The following MDFIC variants were observed in gnomAD, a reference collection of about 807,000 sequenced individuals.
MDFIC encodes myoD family inhibitor domain-containing protein.
A neutral mutation model predicts 23.2 loss-of-function variants in MDFIC; 17 were observed. The observed-to-expected ratio is 0.73, with a 90% CI of 0.50 to 1.10. The LOEUF is 1.10. Among genes scored for constraint, MDFIC ranks in the 50% least tolerant of loss-of-function variants. The pLI, the probability that MDFIC is intolerant of heterozygous loss-of-function variation, is 0.00. For missense variants in MDFIC, 356 were observed against 316.6 expected, an observed-to-expected ratio of 1.12 and a Z score of -0.95; for synonymous variants, 120 against 115.2, an observed-to-expected ratio of 1.04 and a Z score of -0.27.
At chr7:114,925,885 T>A (rs1324112430) in intron 2 of MDFIC, among the ~76,000 whole-genome samples, 2 of 152,196 alleles carry the variant, frequency 1.3e-5, no homozygotes, top group Non-Finnish European at 2.9e-5. Context: ...TTGTGATCTC[T>A]CATACAGAAA....
Position 115,018,432 on chromosome 7 carries a change from A to G in MDFIC, c.*2497A>G, listed in dbSNP as rs13237006. ...TCTCCATAACAGAGAATGTTAATGG[A>G]TACCAGAATTTTATTTTTGTATTTA... On this transcript the variant is annotated 3_prime_UTR_variant, in exon 5 of 5. Coordinates refer to ENST00000393486, the MANE Select transcript of MDFIC (RefSeq NM_001166345.3). 0.19 allele frequency: 28,339 copies of G among 152,030 alleles called. 2,856 individuals are homozygous for G. Among genetic ancestry groups the G allele is most frequent in the East Asian group, 0.33 (1,682 of 5,170 alleles). 9.4% of individuals were successfully genotyped at this position (152,030 alleles called of 1,614,324 possible).
chr7:114,965,258 A>G (rs1793074306), intron 3 of MDFIC, among the ~76,000 whole-genome samples: 1 of 152,220 alleles, frequency 6.6e-6, no homozygotes, highest in South Asian at 2.1e-4. Flanking sequence ...GGAAAATAAG[A>G]GAAAACAATG....
intron 3 of MDFIC, among the ~76,000 whole-genome samples, chr7:114,960,359 G>T (rs1336541929): frequency 2.6e-5 from 4 of 152,238 alleles, no homozygotes; most frequent in Middle Eastern, 3.4e-3. Flanking sequence ...GGCTGATCCA[G>T]AGATGCTAAG....
intron 3 of MDFIC, among the ~76,000 whole-genome samples, chr7:114,946,968 A>G (rs919258748): frequency 2.0e-5 from 3 of 152,214 alleles, no homozygotes; most frequent in Admixed American, 6.5e-5. Flanking sequence ...AGAAAAGCAG[A>G]TACTCAGGTG....
Position 114,979,697 on chromosome 7 carries a change from T to G in MDFIC, c.409T>G (p.Ser137Ala), listed in dbSNP as rs769324791. ...VSQKMHRKIQ[S>A]SLSVNSDISK... ...TCAAAAAATGCATAGAAAAATTCAG[T>G]CCAGCTTGTCTGTAAACAGCGATAT... Residue 137 changes from serine to alanine, a missense_variant, in exon 4 of 5, where the codon TCC becomes GCC. By Grantham distance (99) the Ser-to-Ala change is moderately conservative. Coordinates refer to ENST00000393486, the MANE Select transcript of MDFIC (RefSeq NM_001166345.3). 2 of 1,614,108 alleles carry G rather than the reference T, an allele frequency of 1.2e-6. No individual in the cohort carries two copies. The highest frequency in any genetic ancestry group is 1.7e-6 in the Non-Finnish European group (2 of 1,179,982).
chr7:114,975,182 A>G (rs1022066108), intron 3 of MDFIC, among the ~76,000 whole-genome samples: 3 of 152,118 alleles, frequency 2.0e-5, no homozygotes, highest in Non-Finnish European at 4.4e-5. Context: ...CTTTCTTTAG[A>G]AAAGAGGTGT....
Position 115,019,873 on chromosome 7 carries a change from A to G in MDFIC, c.*3938A>G, listed in dbSNP as rs564222813. 2.0e-5 allele frequency among the ~76,000 whole-genome samples: 3 copies of G among 152,182 alleles called. No homozygotes were observed. The highest frequency in any genetic ancestry group is 3.9e-4 in the East Asian group (2 of 5,186). On this transcript the variant is annotated 3_prime_UTR_variant, in exon 5 of 5. Coordinates refer to ENST00000393486, the MANE Select transcript of MDFIC (RefSeq NM_001166345.3). ...TGGGTATTAAAAGAGAATCCTTTCA[A>G]CCCTTCATCTTCGTATGCTTATACA...
intron 4 of MDFIC, among the ~76,000 whole-genome samples, chr7:114,988,126 G>GT (rs1296572826): frequency 6.6e-6 from 1 of 152,092 alleles, no homozygotes; most frequent in Non-Finnish European, 1.5e-5. Flanking sequence ...CTTCACCGTT[G>GT]TTTTTTTGTG....
chr7:114,998,417 G>A (rs1171669245), intron 4 of MDFIC, among the ~76,000 whole-genome samples: 1 of 151,990 alleles, frequency 6.6e-6, no homozygotes, highest in Admixed American at 6.6e-5. Context: ...TTTGAAAAAT[G>A]AGTTGCATTG....
intron 4 of MDFIC, among the ~76,000 whole-genome samples, chr7:115,007,217 G>T (rs540868167): frequency 6.6e-5 from 10 of 152,298 alleles, no homozygotes; most frequent in African/African-American, 2.2e-4. Context: ...TAGGTAGGTG[G>T]AGAGGTGTGG....
intron 3 of MDFIC, among the ~76,000 whole-genome samples, chr7:114,962,340 G>A (rs2115869966): frequency 6.6e-6 from 1 of 152,296 alleles, no homozygotes; most frequent in South Asian, 2.1e-4. Context: ...GTAACCACTT[G>A]CAATTTGTAA....
At chr7:115,000,263 G>C (rs547795672) in intron 4 of MDFIC, among the ~76,000 whole-genome samples, 1 of 152,258 alleles carries the variant, frequency 6.6e-6, no homozygotes, top group Admixed American at 6.5e-5. Context: ...TGTAGCCTAA[G>C]AGTGATAGGC....
chr7:114,982,309 A>T (rs1411975288), intron 4 of MDFIC, among the ~76,000 whole-genome samples: 1 of 152,164 alleles, frequency 6.6e-6, no homozygotes, highest in African/African-American at 2.4e-5. Context: ...ATAAAAATGG[A>T]TGGAAATGAT....
At position 115,005,769 on chromosome 7, in the gene MDFIC, T is replaced by A. The variant is rs186270702; in HGVS notation, c.494-9919T>A. ...AGGTATTTATACCTTATAATTTCAA[T>A]GTCATGCTGTCCTGTTCATCTGTGG... On this transcript the variant is annotated intron_variant, in intron 4 of 4. Transcript: ENST00000393486. 1.6e-4 allele frequency among the ~76,000 whole-genome samples: 24 copies of A among 152,326 alleles called. No individual in the cohort carries two copies. In the East Asian group the frequency reaches 4.2e-3, roughly 27 times the overall value.
intron 4 of MDFIC, among the ~76,000 whole-genome samples, chr7:114,985,859 TA>T (rs1563149632): frequency 6.6e-6 from 1 of 151,998 alleles, no homozygotes; most frequent in Non-Finnish European, 1.5e-5. Flanking sequence ...ATGATTTATC[TA>T]AAGGACATCA....
intron 4 of MDFIC, among the ~76,000 whole-genome samples, chr7:115,010,997 C>T (rs1791670797): frequency 6.6e-6 from 1 of 152,078 alleles, no homozygotes; most frequent in Admixed American, 6.6e-5. Flanking sequence ...CAAACCAAGG[C>T]TAAAAACAGA....
At chr7:114,979,912 G>A in intron 4 of MDFIC, 131 bp downstream of exon 4, 2 of 1,138,238 alleles carry the variant, frequency 1.8e-6, no homozygotes, top group Non-Finnish European at 2.6e-6. Flanking sequence ...TTGGTAAAAT[G>A]CAGATTAACT....
chr7:114,956,778 TTGAG>T (rs1361535292), intron 3 of MDFIC, among the ~76,000 whole-genome samples: 2 of 152,114 alleles, frequency 1.3e-5, no homozygotes, highest in African/African-American at 4.8e-5. Context: ...GCAGCACAGA[TTGAG>T]TATTAAGGTT....
chr7:114,987,264 C>A (rs1284016335), intron 4 of MDFIC, among the ~76,000 whole-genome samples: 1 of 152,100 alleles, frequency 6.6e-6, no homozygotes, highest in Admixed American at 6.6e-5. Flanking sequence ...TTTGCTGTTA[C>A]AATACTGTTT....
Sources: gnomAD v4.1 joint callset for allele counts (sites outside exome capture counted in the v4.1 genomes callset) on GRCh38, gnomAD v4.1.1 for gene constraint, MANE v1.5 for transcripts, NCBI Gene and HGNC (gene_info 2026-07-23, HGNC 2026-07-21) for gene names.